Variants in ZNF267 observed in about 807,000 individuals in gnomAD.
ZNF267 encodes zinc finger (C2H2).
A neutral mutation model predicts 71.6 loss-of-function variants in ZNF267; 61 were observed. That is an observed-to-expected ratio of 0.85 (90% CI 0.69 to 1.05). ZNF267 has a LOEUF of 1.05. ZNF267 is among the 50% of genes least tolerant of loss of function. The probability of loss-of-function intolerance (pLI) is 0.00; values close to 1 mark genes in which losing one functional copy is unlikely to be tolerated. For synonymous variants in ZNF267, 288 were observed against 293.2 expected, an observed-to-expected ratio of 0.98 and a Z score of 0.18; for missense variants, 852 against 870.0, an observed-to-expected ratio of 0.98 and a Z score of 0.26.
At chr16:31,882,417 T>A (rs1159259051) in intron 1 of ZNF267, among the ~76,000 whole-genome samples, 1 of 152,232 alleles carries the variant, frequency 6.6e-6, no homozygotes, top group Admixed American at 6.5e-5. Context: ...GTCTGCTTCC[T>A]CTAGCTGAGT....
intron 1 of ZNF267, among the ~76,000 whole-genome samples, chr16:31,879,126 T>G (rs546163434): frequency 4.6e-5 from 7 of 152,356 alleles, no homozygotes; most frequent in African/African-American, 1.4e-4. Context: ...GCAAAGAAGA[T>G]AGATCCATAT....
In ZNF267 at chr16:31,882,860, A is replaced by G. The variant is rs2083899657; in HGVS notation, c.4-1638A>G. On this transcript the variant is annotated intron_variant, in intron 1 of 3. Coordinates refer to ENST00000300870, the MANE Select transcript of ZNF267 (RefSeq NM_003414.6). ...AGATTCCTTCGCTATAAAGTTAATC[A>G]TTTTTCTCTTTGTAATGAGTATCTA... Among the ~76,000 whole-genome samples the G allele has an allele frequency of 4.6e-5, 7 of 152,204 alleles. No individual in the cohort carries two copies. In the South Asian group the frequency reaches 1.5e-3, roughly 32 times the overall value.
At chr16:31,912,224 A>T (rs1417856368) in intron 3 of ZNF267, 3 of 151,688 alleles carry the variant, frequency 2.0e-5, no homozygotes, top group Admixed American at 2.0e-4. Context: ...TATTACTTGT[A>T]GGACAGGTCT....
At position 31,881,670 on chromosome 16, in the gene ZNF267, CT is replaced by C. The variant is rs747627467; in HGVS notation, c.4-2808del. On this transcript the variant is annotated intron_variant, in intron 1 of 3. Transcript: ENST00000300870. ...ATAATGAGAAATTCTTTTTCTTCTT[CT>C]TTTTTTTTTTTTTTTTTTTGAGACC... Among the ~76,000 whole-genome samples, 263 of 125,506 alleles carry C rather than the reference CT, an allele frequency of 2.1e-3. 1 individual carries two copies. Among genetic ancestry groups the C allele is most frequent in the African/African-American group, 4.7e-3 (153 of 32,682 alleles). 82.3% of individuals were successfully genotyped at this position (125,506 alleles called of 152,430 possible).
In ZNF267 at chr16:31,916,103, T is replaced by G. The variant is rs192627498; in HGVS notation, c.1854T>G (p.Asp618Glu). ...GCAAAGCCTTTAGTTATAGTTCAGA[T>G]GTTATTCAGCATCGGAGAATTCATA... ...ECGKAFSYSS[D>E]VIQHRRIHTG... The change falls in exon 4 of 4, where the codon GAT becomes GAG. Residue 618 changes from aspartate (D) to glutamate (E), a missense_variant. By Grantham distance (45) the Asp-to-Glu change is conservative (BLOSUM62 2). Coordinates refer to ENST00000300870, the MANE Select transcript of ZNF267 (RefSeq NM_003414.6). 1.1e-5 allele frequency: 17 copies of G among 1,614,074 alleles called. No homozygotes were observed. Among genetic ancestry groups the G allele is most frequent in the Admixed American group, 1.0e-4 (6 of 60,016 alleles).
At chr16:31,874,783 T>G (rs1402408492) in intron 1 of ZNF267, among the ~76,000 whole-genome samples, 1 of 152,182 alleles carries the variant, frequency 6.6e-6, no homozygotes, top group African/African-American at 2.4e-5. Context: ...GAGTCTCAAG[T>G]CCACCACTGT....
Position 31,916,050 on chromosome 16 carries a change from G to A in ZNF267, c.1801G>A (p.Glu601Lys). 3.1e-6 allele frequency: 5 copies of A among 1,614,076 alleles called. No homozygotes were observed. Among genetic ancestry groups the A allele is most frequent in the South Asian group, 1.1e-5 (1 of 91,086 alleles). ...TGTGCATCGGCGAACTCATACTGGA[G>A]AGAAACCCTATACATGTAAAGAATG... ...LTVHRRTHTG[E>K]KPYTCKECGK... Residue 601 changes from glutamate to lysine, a missense_variant, in exon 4 of 4, where the codon GAG (glutamate) becomes AAG (lysine). Transcript: ENST00000300870.
intron 1 of ZNF267, chr16:31,875,279 C>T: frequency 7.8e-7 from 1 of 1,289,308 alleles, no homozygotes; most frequent in Middle Eastern, 2.1e-4. Flanking sequence ...CCCCAGGTCA[C>T]CTCCTGTTAG....
intron 1 of ZNF267, among the ~76,000 whole-genome samples, chr16:31,883,665 G>A (rs2083905025): frequency 6.6e-6 from 1 of 151,970 alleles, no homozygotes; most frequent in African/African-American, 2.4e-5. Flanking sequence ...TTATTTATTG[G>A]GTTTTATATA....
chr16:31,907,432 A>G (rs1567237731), intron 3 of ZNF267, among the ~76,000 whole-genome samples: 1 of 151,634 alleles, frequency 6.6e-6, no homozygotes, highest in African/African-American at 2.4e-5. Context: ...TGTGCTGGGG[A>G]TTTTTTACCT....
At chr16:31,900,013 T>TAC (rs987727053) in intron 3 of ZNF267, among the ~76,000 whole-genome samples, 1 of 150,362 alleles carries the variant, frequency 6.7e-6, no homozygotes, top group Admixed American at 6.6e-5. Context: ...CACACACACA[T>TAC]ACACACACAC....
chr16:31,916,062 A>G lies in ZNF267; in HGVS notation c.1813A>G (p.Thr605Ala), dbSNP rs962873340. 1.2e-6 allele frequency: 2 copies of G among 1,614,124 alleles called. No individual in the cohort carries two copies. The highest frequency in any genetic ancestry group is 1.7e-6 in the Non-Finnish European group (2 of 1,180,010). ...AACTCATACTGGAGAGAAACCCTAT[A>G]CATGTAAAGAATGTGGCAAAGCCTT... is the stretch of plus-strand genomic sequence containing the variant. Reference protein sequence around the residue: ...RRTHTGEKPYTCKECGKAFSY... With the variant: ...RRTHTGEKPYACKECGKAFSY... Residue 605 changes from threonine (T) to alanine (A), a missense_variant, in exon 4 of 4, where the codon ACA becomes GCA. Coordinates refer to ENST00000300870, the MANE Select transcript of ZNF267 (RefSeq NM_003414.6).
At chr16:31,903,050 G>A (rs538239229) in intron 3 of ZNF267, among the ~76,000 whole-genome samples, 1 of 152,176 alleles carries the variant, frequency 6.6e-6, no homozygotes, top group Non-Finnish European at 1.5e-5. Flanking sequence ...ATAATCATGT[G>A]GTTTTTGTCT....
chr16:31,891,376 A>G (rs1046170016), intron 3 of ZNF267, among the ~76,000 whole-genome samples: 19 of 152,182 alleles, frequency 1.2e-4, no homozygotes, highest in African/African-American at 4.3e-4. Context: ...CACTAACGTT[A>G]TGGTATTAGT....
At chr16:31,882,180 T>A (rs781546779) in intron 1 of ZNF267, among the ~76,000 whole-genome samples, 7 of 152,200 alleles carry the variant, frequency 4.6e-5, no homozygotes, top group Non-Finnish European at 1.0e-4. Context: ...CAGTACATAC[T>A]GTGAGCACAT....
At position 31,914,827 on chromosome 16, in the gene ZNF267, C is replaced by T. The variant is rs765313118; in HGVS notation, c.578C>T (p.Thr193Ile). The T allele has an allele frequency of 6.2e-7, 1 of 1,610,994 alleles. No individual in the cohort carries two copies. Among genetic ancestry groups the T allele is most frequent in the Admixed American group, 1.7e-5 (1 of 59,462 alleles). The change falls in exon 4 of 4, where the codon ACT (threonine) becomes ATT (isoleucine). Residue 193 changes from threonine (T) to isoleucine (I), a missense_variant. Coordinates refer to ENST00000300870, the MANE Select transcript of ZNF267 (RefSeq NM_003414.6). ...IWGKHHIYDKTSVLFRQVSTL... is the reference protein window; with the variant it reads ...IWGKHHIYDKISVLFRQVSTL... ...GGAAAACATCACATATATGATAAAA[C>T]TTCAGTGTTATTTAGGCAGGTCTCT...
At chr16:31,908,288 A>G (rs2084108023) in intron 3 of ZNF267, among the ~76,000 whole-genome samples, 1 of 152,112 alleles carries the variant, frequency 6.6e-6, no homozygotes, top group Admixed American at 6.5e-5. Context: ...CTCCTTACAT[A>G]TTCTGATTAT....
In ZNF267 at chr16:31,916,602, C is replaced by A; in HGVS notation, c.*121C>A. On this transcript the variant is annotated 3_prime_UTR_variant, in exon 4 of 4. Transcript: ENST00000300870. ...ATGTGGCATAACCTTTAACTATTTT[C>A]AAGCCTTACACAATAGCAGAGAATA... The A allele has an allele frequency of 2.0e-6, 2 of 985,806 alleles. No individual in the cohort carries two copies. The highest frequency in any genetic ancestry group is 2.9e-6 in the Non-Finnish European group (2 of 685,110). The allele number at this position is 985,806 out of a possible 1,614,324, so 61.1% of individuals were successfully genotyped here. A position where few individuals can be genotyped will look rare whatever the true frequency, so the allele number is the denominator to read the frequency against.
At chr16:31,910,487 A>G (rs1416314559) in intron 3 of ZNF267, among the ~76,000 whole-genome samples, 1 of 151,616 alleles carries the variant, frequency 6.6e-6, no homozygotes, top group East Asian at 1.9e-4. Flanking sequence ...TAAGTTGTAT[A>G]TATCTGGGAA....
Sources: allele counts gnomAD v4.1 joint callset (sites outside exome capture counted in the v4.1 genomes callset), GRCh38; gene constraint gnomAD v4.1.1; transcripts MANE v1.5; gene names NCBI Gene and HGNC (gene_info 2026-07-23, HGNC 2026-07-21).